SCLT1: variants seen among roughly 807,000 people sequenced by gnomAD.
SCLT1 encodes the protein sodium channel and clathrin linker 1.
A neutral mutation model predicts 112.8 loss-of-function variants in SCLT1; 78 were observed. That is an observed-to-expected ratio of 0.69 (90% confidence interval 0.58 to 0.83). SCLT1 has a LOEUF of 0.83. SCLT1 is among the 40% of genes least tolerant of loss of function. The pLI, the probability that SCLT1 is intolerant of heterozygous loss-of-function variation, is 0.00. For synonymous variants in SCLT1, 257 were observed against 254.7 expected (o/e 1.01, Z -0.09); for missense variants, 747 against 770.4 (o/e 0.97, Z 0.36).
chr4:129,085,429 T>C (rs945426557), intron 1 of SCLT1, among the ~76,000 whole-genome samples: 34 of 152,178 alleles, frequency 2.2e-4, no homozygotes, highest in African/African-American at 7.5e-4. Flanking sequence ...TGTAAATTAG[T>C]TCAACCATTG....
At chr4:129,024,690 C>G (rs563164714) in intron 5 of SCLT1, among the ~76,000 whole-genome samples, 2 of 152,194 alleles carry the variant, frequency 1.3e-5, no homozygotes, top group Non-Finnish European at 2.9e-5. Context: ...CGGAACAAAG[C>G]TGGACAGAGA....
chr4:129,032,261 G>A (rs189680736), intron 5 of SCLT1, among the ~76,000 whole-genome samples: 1 of 152,198 alleles, frequency 6.6e-6, no homozygotes, highest in East Asian at 1.9e-4. Flanking sequence ...TTTAATTAAT[G>A]GTGCCAGGAA....
chr4:128,985,916 A>G (rs1374713521), intron 9 of SCLT1, among the ~76,000 whole-genome samples: 1 of 152,182 alleles, frequency 6.6e-6, no homozygotes, highest in Non-Finnish European at 1.5e-5. Context: ...AAGGAGAGGA[A>G]GCAGAGCAAG....
At chr4:129,091,605 T>C (rs1165024592) in intron 1 of SCLT1, among the ~76,000 whole-genome samples, 1 of 152,166 alleles carries the variant, frequency 6.6e-6, no homozygotes, top group Non-Finnish European at 1.5e-5. Context: ...ATATTCCCAC[T>C]GCAAACCTAA....
intron 18 of SCLT1, among the ~76,000 whole-genome samples, chr4:128,920,029 T>TAA (rs1302249736): frequency 6.6e-6 from 1 of 152,170 alleles, no homozygotes; most frequent in Non-Finnish European, 1.5e-5. Flanking sequence ...AGAAGGGACT[T>TAA]CTCTTTAACT....
At chr4:128,981,515 C>T (rs1003391551) in intron 9 of SCLT1, among the ~76,000 whole-genome samples, 6 of 152,028 alleles carry the variant, frequency 3.9e-5, no homozygotes, top group Admixed American at 1.3e-4. Flanking sequence ...TTCTGACAGC[C>T]GGATGGCCCC....
At chr4:129,014,731 T>C (rs1744840159) in intron 5 of SCLT1, among the ~76,000 whole-genome samples, 1 of 152,208 alleles carries the variant, frequency 6.6e-6, no homozygotes, top group East Asian at 1.9e-4. Flanking sequence ...TTCCAATGTG[T>C]AGTGTCAGCC....
At chr4:128,997,352 AT>A (rs1743098313) in intron 8 of SCLT1, 1 of 151,952 alleles carries the variant, frequency 6.6e-6, no homozygotes, top group Admixed American at 6.6e-5. Flanking sequence ...TGAGGTAAAA[AT>A]AACATTCCAA....
intron 6 of SCLT1, among the ~76,000 whole-genome samples, chr4:129,002,604 C>T (rs951176243): frequency 6.6e-6 from 1 of 151,722 alleles, no homozygotes; most frequent in African/African-American, 2.4e-5. Context: ...AAAAACAAAC[C>T]CATCAAGAAG....
At chr4:128,878,644 T>C (rs892877808) in intron 3 of SCLT1, among the ~76,000 whole-genome samples, 5 of 152,198 alleles carry the variant, frequency 3.3e-5, no homozygotes, top group African/African-American at 1.2e-4. Flanking sequence ...AAATTATGCA[T>C]TATATCACTT....
At chr4:129,056,218 C>T (rs1426030946) in intron 2 of SCLT1, among the ~76,000 whole-genome samples, 2 of 152,206 alleles carry the variant, frequency 1.3e-5, no homozygotes, top group Non-Finnish European at 2.9e-5. Context: ...CAGACTGGAG[C>T]TGTTCCTATT....
intron 15 of SCLT1, among the ~76,000 whole-genome samples, chr4:128,947,626 C>A (rs761056102): frequency 3.3e-5 from 5 of 152,202 alleles, no homozygotes; most frequent in Admixed American, 6.5e-5. Flanking sequence ...ACCTAAAACA[C>A]AGTAAGTGCT....
chr4:128,985,366 A>G (rs1741995947), intron 9 of SCLT1, among the ~76,000 whole-genome samples: 1 of 152,250 alleles, frequency 6.6e-6, no homozygotes, highest in Non-Finnish European at 1.5e-5. Context: ...TAAAAGATTT[A>G]AACTGTATCA....
chr4:128,883,060 C>T (rs1239338928), downstream of SCLT1, among the ~76,000 whole-genome samples: 10 of 149,204 alleles, frequency 6.7e-5, no homozygotes, highest in Non-Finnish European at 8.9e-5. Flanking sequence ...GCAGGAGAAT[C>T]GCTTGAACCT....
At chr4:129,046,259 CAA>C (rs923660249) in intron 2 of SCLT1, among the ~76,000 whole-genome samples, 1 of 152,076 alleles carries the variant, frequency 6.6e-6, no homozygotes, top group Admixed American at 6.6e-5. Flanking sequence ...CTGATACACA[CAA>C]GTTTCAGTTA....
At chr4:128,939,955 T>C (rs1737540254) in intron 17 of SCLT1, among the ~76,000 whole-genome samples, 2 of 152,180 alleles carry the variant, frequency 1.3e-5, no homozygotes, top group African/African-American at 2.4e-5. Flanking sequence ...TCTTCCTCCA[T>C]AAAATAGAAT....
Position 128,999,807 on chromosome 4 carries a change from T to TTTGATAACTCATTAAA in SCLT1, c.427-29_427-14dup. On this transcript the variant is annotated splice_polypyrimidine_tract_variant and intron_variant, in intron 6 of 20. Coordinates refer to ENST00000281142, the MANE Select transcript of SCLT1 (RefSeq NM_144643.4). ...CCTGAGTTTTTTCCTATTAAAAAAG[T>TTTGATAACTCATTAAA]TTGATAACTCATTAAATTATCAGCA... 6.3e-7 allele frequency: 1 copy of TTTGATAACTCATTAAA among 1,578,684 alleles called. No homozygotes were observed. The highest frequency in any genetic ancestry group is 8.6e-7 in the Non-Finnish European group (1 of 1,163,878).
intron 5 of SCLT1, among the ~76,000 whole-genome samples, chr4:129,004,489 C>T (rs1441049820): frequency 6.6e-6 from 1 of 151,788 alleles, no homozygotes; most frequent in Admixed American, 6.6e-5. Context: ...ACAGATATTT[C>T]ATGCCTTAAC....
intron 14 of SCLT1, chr4:128,952,370 C>A (rs1272591962): frequency 2.2e-6 from 1 of 459,628 alleles, no homozygotes; most frequent in African/African-American, 2.0e-5. Context: ...TTCTTTTCCT[C>A]TCCCCTCTTG....
Sources: allele counts gnomAD v4.1 joint callset (sites outside exome capture counted in the v4.1 genomes callset), GRCh38; gene constraint gnomAD v4.1.1; transcripts MANE v1.5; gene names NCBI Gene and HGNC (gene_info 2026-07-23, HGNC 2026-07-21).